Variants in ITFG1 observed in about 807,000 individuals in gnomAD.
The protein encoded by ITFG1 is T-cell immunomodulatory protein.
Under a neutral mutation model 81.8 loss-of-function variants are expected in ITFG1, and 34 were observed. The ratio of observed to expected loss-of-function variants is 0.42; its 90% CI spans 0.32 to 0.55. The LOEUF is 0.55. ITFG1 is among the 20% of genes least tolerant of loss of function. ITFG1 has a pLI of 0.17. For synonymous variants in ITFG1, 285 were observed against 270.6 expected (o/e 1.05, Z -0.52); for missense variants, 672 against 755.4 (o/e 0.89, Z 1.29).
chr16:47,409,386 A>ATACATATATATATATATATATATG (rs1968772409), intron 6 of ITFG1, among the ~76,000 whole-genome samples: 1 of 13,684 alleles, frequency 7.3e-5, no homozygotes, highest in African/African-American at 3.9e-4. Flanking sequence ...ATATATATAT[A>ATACATATATATATATATATATATG]TATATATATA....
chr16:47,180,482 G>A (rs533384374), intron 14 of ITFG1, among the ~76,000 whole-genome samples: 1 of 151,650 alleles, frequency 6.6e-6, no homozygotes, highest in South Asian at 2.1e-4. Context: ...CAATCTCCCT[G>A]CCTGATTCTC....
intron 2 of ITFG1, among the ~76,000 whole-genome samples, chr16:47,455,031 G>A (rs1969434460): frequency 6.6e-6 from 1 of 152,150 alleles, no homozygotes; most frequent in Non-Finnish European, 1.5e-5. Context: ...AGGAATTAAG[G>A]ATTTAAATTA....
intron 6 of ITFG1, among the ~76,000 whole-genome samples, chr16:47,423,341 A>T (rs886726762): frequency 6.6e-6 from 1 of 150,530 alleles, no homozygotes; most frequent in African/African-American, 2.5e-5. Context: ...TGCCCATGAG[A>T]CAGGTCTCCT....
At chr16:47,309,043 T>C (rs889307778) in intron 10 of ITFG1, among the ~76,000 whole-genome samples, 1 of 151,668 alleles carries the variant, frequency 6.6e-6, no homozygotes, top group African/African-American at 2.4e-5. Context: ...GTGCTCAACA[T>C]AATGATACAT....
rs566882707 is a variant in ITFG1, at chr16:47,361,603, G to T, written c.802+4185C>A. ...TAGGTATGAGAGACATTTATGGGTT[G>T]CAGATGTTCCAAATATGAGACCAGG... On this transcript the variant is annotated intron_variant, in intron 8 of 17. Transcript: ENST00000320640. Among the ~76,000 whole-genome samples, 94 of 152,206 alleles carry T rather than the reference G, an allele frequency of 6.2e-4. No homozygotes were observed. In the East Asian group the frequency reaches 0.012, roughly 19 times the overall value.
intron 8 of ITFG1, among the ~76,000 whole-genome samples, chr16:47,349,760 C>G (rs947494092): frequency 8.5e-5 from 13 of 152,172 alleles, no homozygotes; most frequent in African/African-American, 1.4e-4. Context: ...AATATACATT[C>G]TTCTCAGCAC....
At chr16:47,432,373 T>C (rs1006982189) in intron 5 of ITFG1, among the ~76,000 whole-genome samples, 3 of 152,204 alleles carry the variant, frequency 2.0e-5, no homozygotes, top group Non-Finnish European at 2.9e-5. Context: ...ATTGATGTCT[T>C]TGGAAATCAG....
At chr16:47,239,138 T>G (rs866392892) in intron 12 of ITFG1, among the ~76,000 whole-genome samples, 2 of 152,250 alleles carry the variant, frequency 1.3e-5, no homozygotes, top group African/African-American at 2.4e-5. Flanking sequence ...GCCTTGATCT[T>G]GGACTTCCCA....
At chr16:47,254,661 T>C (rs1966119546) in intron 12 of ITFG1, among the ~76,000 whole-genome samples, 1 of 152,210 alleles carries the variant, frequency 6.6e-6, no homozygotes, top group African/African-American at 2.4e-5. Context: ...AAGAACTTGC[T>C]GAGCACAGGG....
At chr16:47,208,520 G>A (rs1965527938) in intron 14 of ITFG1, among the ~76,000 whole-genome samples, 1 of 152,108 alleles carries the variant, frequency 6.6e-6, no homozygotes, top group South Asian at 2.1e-4. Flanking sequence ...CAAACGAAAG[G>A]ACCTGACATC....
Position 47,162,656 on chromosome 16 carries a change from G to A in ITFG1, c.1462C>T (p.Leu488Phe). The change falls in exon 15 of 18, where the codon CTC (leucine) becomes TTC (phenylalanine). Residue 488 changes from leucine to phenylalanine, a missense_variant. Coordinates refer to ENST00000320640, the MANE Select transcript of ITFG1 (RefSeq NM_030790.5). ...GYLKNGSAGQ[L>F]SQSAHLALQL... ...AGAGCTAAATGTGCGGATTGGCTGAGTTGGCCAGCTAGAGTTATTCAATTA... is the reference window on the plus strand; with the variant it reads ...AGAGCTAAATGTGCGGATTGGCTGAATTGGCCAGCTAGAGTTATTCAATTA... 1 of 1,599,432 alleles carries A rather than the reference G, an allele frequency of 6.3e-7. No homozygotes were observed. Among genetic ancestry groups the A allele is most frequent in the Non-Finnish European group, 8.5e-7 (1 of 1,173,758 alleles).
At chr16:47,423,185 C>T (rs988716271) in intron 6 of ITFG1, among the ~76,000 whole-genome samples, 1 of 150,744 alleles carries the variant, frequency 6.6e-6, no homozygotes, top group African/African-American at 2.4e-5. Flanking sequence ...TAGTGGCCTT[C>T]TTTGTCTCTT....
chr16:47,390,618 C>T (rs1596952031), intron 6 of ITFG1, among the ~76,000 whole-genome samples: 1 of 152,210 alleles, frequency 6.6e-6, no homozygotes. Context: ...CGCCACCACG[C>T]CCGGCTAATT....
chr16:47,442,331 T>C (rs1969263271), intron 5 of ITFG1, among the ~76,000 whole-genome samples: 1 of 152,168 alleles, frequency 6.6e-6, no homozygotes, highest in African/African-American at 2.4e-5. Flanking sequence ...AAAAGACTAC[T>C]TTAAAGTTCA....
intron 8 of ITFG1, among the ~76,000 whole-genome samples, chr16:47,353,910 T>C (rs1177766372): frequency 6.6e-6 from 1 of 152,140 alleles, no homozygotes; most frequent in African/African-American, 2.4e-5. Flanking sequence ...AAAGATACCC[T>C]GTGTTCATGA....
intron 6 of ITFG1, among the ~76,000 whole-genome samples, chr16:47,419,509 C>T (rs1388043726): frequency 2.0e-5 from 3 of 151,238 alleles, no homozygotes; most frequent in African/African-American, 7.3e-5. Flanking sequence ...TGACTTCACG[C>T]GATCCACCCA....
chr16:47,365,557 GC>G, intron 8 of ITFG1: 1 of 415,958 alleles, frequency 2.4e-6, no homozygotes, highest in Admixed American at 3.9e-5. Context: ...TATTACTTCT[GC>G]AAACAGTATC....
At chr16:47,347,655 G>A (rs1320080946) in intron 8 of ITFG1, among the ~76,000 whole-genome samples, 2 of 152,230 alleles carry the variant, frequency 1.3e-5, no homozygotes, top group African/African-American at 2.4e-5. Flanking sequence ...AGAAACCTCT[G>A]CAGACTTAAC....
chr16:47,398,947 T>C (rs1446016768), intron 6 of ITFG1, among the ~76,000 whole-genome samples: 1 of 152,166 alleles, frequency 6.6e-6, no homozygotes, highest in African/African-American at 2.4e-5. Context: ...AATCCTACAA[T>C]GGGAAGAATC....
Sources: gnomAD v4.1 joint callset for allele counts (sites outside exome capture counted in the v4.1 genomes callset) on GRCh38, gnomAD v4.1.1 for gene constraint, MANE v1.5 for transcripts, NCBI Gene and HGNC (gene_info 2026-07-23, HGNC 2026-07-21) for gene names.